NALF1: variants seen among roughly 807,000 people sequenced by gnomAD.
NALF1 encodes the protein family with sequence similarity 155 member A.
A neutral mutation model predicts 48.4 loss-of-function variants in NALF1; 3 were observed. That is an observed-to-expected ratio of 0.06 (90% CI 0.03 to 0.16). NALF1 has a LOEUF of 0.16. Ranked by LOEUF, NALF1 falls within the 10% of genes least tolerant of loss-of-function variation. The pLI, the probability that NALF1 is intolerant of heterozygous loss-of-function variation, is 1.00. For synonymous variants in NALF1, 262 were observed against 245.7 expected, an observed-to-expected ratio of 1.07 and a Z score of -0.62; for missense variants, 526 against 571.5, an observed-to-expected ratio of 0.92 and a Z score of 0.81.
rs1878975245 is a variant in NALF1, at chr13:107,603,070, T to C, written c.915+262612A>G. On this transcript the variant is annotated intron_variant, in intron 1 of 2. Coordinates refer to ENST00000375915, the MANE Select transcript of NALF1 (RefSeq NM_001080396.3). ...GAAAATCATTTCTGATTAAAATTTC[T>C]TTTTATGAAAATCTTACTGCTTATT... is the stretch of plus-strand genomic sequence containing the variant. Among the ~76,000 whole-genome samples, 5 of 152,320 alleles carry C rather than the reference T, an allele frequency of 3.3e-5. 1 individual carries two copies. The South Asian group carries it at 1.0e-3, about 32-fold the overall frequency.
At chr13:107,273,769 G>C (rs568945236) in intron 1 of NALF1, among the ~76,000 whole-genome samples, 1 of 152,254 alleles carries the variant, frequency 6.6e-6, no homozygotes, top group East Asian at 1.9e-4. Flanking sequence ...GGTATCCATA[G>C]AACAGAACAG....
intron 2 of NALF1, among the ~76,000 whole-genome samples, chr13:107,195,291 A>G (rs1395607271): frequency 6.6e-6 from 1 of 152,128 alleles, no homozygotes; most frequent in African/African-American, 2.4e-5. Flanking sequence ...AATTTAGAAA[A>G]TTGTCTTTCC....
At chr13:107,438,338 T>G (rs1007767256) in intron 1 of NALF1, among the ~76,000 whole-genome samples, 2 of 152,238 alleles carry the variant, frequency 1.3e-5, no homozygotes, top group African/African-American at 4.8e-5. Context: ...TTATCTGATC[T>G]GCTTAAAGTT....
intron 1 of NALF1, among the ~76,000 whole-genome samples, chr13:107,312,800 G>C (rs1368313778): frequency 2.0e-5 from 3 of 152,154 alleles, no homozygotes; most frequent in Non-Finnish European, 2.9e-5. Flanking sequence ...CCACTCTGGT[G>C]AATTTGCACA....
At chr13:107,787,157 A>T (rs1471777606) in intron 1 of NALF1, among the ~76,000 whole-genome samples, 1 of 152,216 alleles carries the variant, frequency 6.6e-6, no homozygotes, top group East Asian at 1.9e-4. Flanking sequence ...AACTATCATC[A>T]CTATTCATTA....
At chr13:107,220,513 G>A (rs1455892682) in intron 1 of NALF1, among the ~76,000 whole-genome samples, 1 of 152,188 alleles carries the variant, frequency 6.6e-6, no homozygotes, top group Admixed American at 6.5e-5. Flanking sequence ...ATGAAACAGA[G>A]GACTGGCTGC....
chr13:107,712,308 A>G (rs567453935), intron 1 of NALF1, among the ~76,000 whole-genome samples: 3 of 152,234 alleles, frequency 2.0e-5, no homozygotes, highest in South Asian at 2.1e-4. Context: ...ATTAATAAAC[A>G]ATGGCATTCC....
chr13:107,513,540 T>A (rs1875962958), intron 1 of NALF1, among the ~76,000 whole-genome samples: 1 of 152,094 alleles, frequency 6.6e-6, no homozygotes, highest in African/African-American at 2.4e-5. Context: ...GGTTTATTAC[T>A]ATTGCAATAG....
At chr13:107,665,980 A>G (rs1880847776) in intron 1 of NALF1, among the ~76,000 whole-genome samples, 1 of 152,086 alleles carries the variant, frequency 6.6e-6, no homozygotes, top group African/African-American at 2.4e-5. Flanking sequence ...TTCTTTAAAG[A>G]TTTTTTTAAA....
At chr13:107,638,687 G>A (rs1246009066) in intron 1 of NALF1, among the ~76,000 whole-genome samples, 1 of 152,192 alleles carries the variant, frequency 6.6e-6, no homozygotes, top group African/African-American at 2.4e-5. Context: ...CTACAGTAGA[G>A]TCAGGAAGAC....
At chr13:107,700,107 C>T (rs8002405) in intron 1 of NALF1, among the ~76,000 whole-genome samples, 95,538 of 151,504 alleles carry the variant, frequency 0.63, 30,456 homozygotes, top group Non-Finnish European at 0.67. Context: ...CAATGCAGTC[C>T]CTATCAGAAT....
intron 1 of NALF1, among the ~76,000 whole-genome samples, chr13:107,856,464 C>A (rs1436207100): frequency 6.6e-6 from 1 of 152,110 alleles, no homozygotes; most frequent in Non-Finnish European, 1.5e-5. Flanking sequence ...TTAGCAAGAG[C>A]AAACAATTAC....
At position 107,195,970 on chromosome 13, in the gene NALF1, A is replaced by G. The variant is rs1879381987; in HGVS notation, c.1087+14614T>C. ...ATACACTATGGAATAGTATGCAGCC[A>G]TAAAAAAGAACAAGATTATGTCCTT... On this transcript the variant is annotated intron_variant, in intron 2 of 2. Coordinates refer to ENST00000375915, the MANE Select transcript of NALF1 (RefSeq NM_001080396.3). Among the ~76,000 whole-genome samples, 3 of 152,238 alleles carry G rather than the reference A, an allele frequency of 2.0e-5. No individual in the cohort carries two copies. In the South Asian group the frequency reaches 6.2e-4, roughly 32 times the overall value.
chr13:107,628,930 T>C (rs987990281), intron 1 of NALF1, among the ~76,000 whole-genome samples: 3 of 152,144 alleles, frequency 2.0e-5, no homozygotes, highest in African/African-American at 4.8e-5. Flanking sequence ...TTAAATTTCA[T>C]CTCTCTTAGG....
At chr13:107,608,089 C>G (rs767506811) in intron 1 of NALF1, among the ~76,000 whole-genome samples, 4 of 152,184 alleles carry the variant, frequency 2.6e-5, no homozygotes, top group Non-Finnish European at 5.9e-5. Context: ...TGTAATTTCT[C>G]TCCCTCTAAG....
At chr13:107,728,273 G>T (rs370502720) in intron 1 of NALF1, among the ~76,000 whole-genome samples, 1 of 152,108 alleles carries the variant, frequency 6.6e-6, no homozygotes, top group Non-Finnish European at 1.5e-5. Context: ...CAAATACTTG[G>T]AACCAACCCA....
At chr13:107,402,700 G>A (rs1331624471) in intron 1 of NALF1, among the ~76,000 whole-genome samples, 1 of 152,088 alleles carries the variant, frequency 6.6e-6, no homozygotes, top group Non-Finnish European at 1.5e-5. Context: ...AGTCAGAGAA[G>A]AAAAATCCAT....
At chr13:107,818,642 G>T (rs1391061041) in intron 1 of NALF1, among the ~76,000 whole-genome samples, 1 of 112,378 alleles carries the variant, frequency 8.9e-6, no homozygotes, top group Non-Finnish European at 1.8e-5. Flanking sequence ...GGAGGCCGAG[G>T]CGGGCGGATC....
intron 1 of NALF1, among the ~76,000 whole-genome samples, chr13:107,298,715 C>G (rs1881775532): frequency 2.0e-5 from 3 of 152,148 alleles, no homozygotes; most frequent in Non-Finnish European, 4.4e-5. Flanking sequence ...CAGGCGTGAG[C>G]CACTGCACCT....
Sources: gnomAD v4.1 joint callset for allele counts (sites outside exome capture counted in the v4.1 genomes callset) on GRCh38, gnomAD v4.1.1 for gene constraint, MANE v1.5 for transcripts, NCBI Gene and HGNC (gene_info 2026-07-23, HGNC 2026-07-21) for gene names.